The following NHEJ1 variants were observed in gnomAD, a reference collection of about 807,000 sequenced individuals.
The protein encoded by NHEJ1 is non-homologous end-joining factor 1.
In NHEJ1, 22 loss-of-function variants were observed where a neutral mutation model predicts 39.4. That is an observed-to-expected ratio of 0.56 (90% CI 0.40 to 0.80). NHEJ1 has a LOEUF of 0.80. Among genes scored for constraint, NHEJ1 ranks in the 30% least tolerant of loss-of-function variants. NHEJ1 has a pLI of 0.00. For missense variants in NHEJ1, 329 were observed against 357.1 expected, an observed-to-expected ratio of 0.92 and a Z score of 0.63; for synonymous variants, 154 against 135.6, an observed-to-expected ratio of 1.14 and a Z score of -0.94.
chr2:219,134,755 T>C (rs368446932), intron 5 of NHEJ1, among the ~76,000 whole-genome samples: 1 of 152,148 alleles, frequency 6.6e-6, no homozygotes, highest in East Asian at 1.9e-4. Flanking sequence ...AAATTCAACA[T>C]GTGGCCAGGC....
At chr2:219,156,016 G>A (rs1013264005) in intron 3 of NHEJ1, among the ~76,000 whole-genome samples, 1 of 151,904 alleles carries the variant, frequency 6.6e-6, no homozygotes, top group Admixed American at 6.6e-5. Flanking sequence ...TTGGGAGGCC[G>A]AGGTGGGTGG....
At chr2:219,088,088 GAC>G (rs1385859682) in intron 5 of NHEJ1, among the ~76,000 whole-genome samples, 3 of 152,134 alleles carry the variant, frequency 2.0e-5, no homozygotes, top group African/African-American at 7.2e-5. Context: ...TGTTGACAAA[GAC>G]ACAGTACAAC....
At chr2:219,142,227 AAGAGG>A (rs989415111) in intron 5 of NHEJ1, among the ~76,000 whole-genome samples, 1 of 119,154 alleles carries the variant, frequency 8.4e-6, no homozygotes, top group Non-Finnish European at 2.0e-5. Flanking sequence ...AAGAGAAGAG[AAGAGG>A]AGAGAAGAGT....
At chr2:219,104,464 G>T (rs1255564662) in intron 5 of NHEJ1, among the ~76,000 whole-genome samples, 2 of 152,080 alleles carry the variant, frequency 1.3e-5, no homozygotes, top group Non-Finnish European at 2.9e-5. Flanking sequence ...CTTACAAGAG[G>T]GTGCAAGATC....
chr2:219,159,588 C>CATATATATGCATAT (rs1949906412), intron 1 of NHEJ1, among the ~76,000 whole-genome samples: 3 of 69,538 alleles, frequency 4.3e-5, no homozygotes, highest in South Asian at 7.5e-4. Flanking sequence ...TATATATATG[C>CATATATATGCATAT]ATATATATAT....
chr2:219,121,986 C>T (rs1007783373), intron 5 of NHEJ1, among the ~76,000 whole-genome samples: 2 of 152,020 alleles, frequency 1.3e-5, no homozygotes, highest in Non-Finnish European at 2.9e-5. Context: ...AGAACTATAT[C>T]GCAACTGGGA....
chr2:219,113,498 A>G (rs936324207), intron 5 of NHEJ1, among the ~76,000 whole-genome samples: 14 of 152,184 alleles, frequency 9.2e-5, no homozygotes, highest in Admixed American at 2.0e-4. Flanking sequence ...CTTATCTTAA[A>G]ATGTAATCAT....
chr2:219,126,815 A>C (rs1949527980), intron 5 of NHEJ1, among the ~76,000 whole-genome samples: 1 of 152,258 alleles, frequency 6.6e-6, no homozygotes, highest in Non-Finnish European at 1.5e-5. Flanking sequence ...AAATCCAAAC[A>C]ATGAACAGGA....
At chr2:219,159,542 T>TGC (rs767766780) in intron 1 of NHEJ1, among the ~76,000 whole-genome samples, 3,459 of 34,154 alleles carry the variant, frequency 0.1, 338 homozygotes, top group Non-Finnish European at 0.17. Context: ...TATATGCATA[T>TGC]ATATATATGC....
At chr2:219,158,966 T>C (rs1236214252) in intron 1 of NHEJ1, 1 of 157,380 alleles carries the variant, frequency 6.4e-6, no homozygotes, top group Non-Finnish European at 1.4e-5. Flanking sequence ...TGTACACGCA[T>C]ATATGCATGG....
intron 5 of NHEJ1, among the ~76,000 whole-genome samples, chr2:219,112,895 C>T (rs1437469237): frequency 2.6e-5 from 4 of 152,274 alleles, no homozygotes; most frequent in Admixed American, 1.3e-4. Flanking sequence ...CACACATACA[C>T]GCACTGTGCC....
chr2:219,135,329 G>A (rs57767174), intron 5 of NHEJ1, among the ~76,000 whole-genome samples: 2,593 of 152,020 alleles, frequency 0.017, 77 homozygotes, highest in African/African-American at 0.059. Flanking sequence ...CATCAAGGCC[G>A]GGCACAGTGG....
At chr2:219,126,099 T>C (rs1389152952) in intron 5 of NHEJ1, among the ~76,000 whole-genome samples, 4 of 152,236 alleles carry the variant, frequency 2.6e-5, no homozygotes, top group Non-Finnish European at 4.4e-5. Flanking sequence ...TTCTGTGTAA[T>C]GATATTCCAC....
chr2:219,147,131 C>T (rs1474747484), intron 4 of NHEJ1, among the ~76,000 whole-genome samples: 1 of 152,190 alleles, frequency 6.6e-6, no homozygotes, highest in Non-Finnish European at 1.5e-5. Context: ...TGTCTGGACT[C>T]GGTTACAGCT....
At chr2:219,108,527 A>G (rs1279196638) in intron 5 of NHEJ1, among the ~76,000 whole-genome samples, 1 of 152,200 alleles carries the variant, frequency 6.6e-6, no homozygotes, top group Non-Finnish European at 1.5e-5. Flanking sequence ...TACTCTAGTC[A>G]TCCACAAAAA....
intron 5 of NHEJ1, among the ~76,000 whole-genome samples, chr2:219,140,407 G>C (rs1325686513): frequency 1.3e-5 from 2 of 152,338 alleles, no homozygotes; most frequent in African/African-American, 2.4e-5. Flanking sequence ...AGGCCAGGAG[G>C]GGGTAGGAGT....
intron 5 of NHEJ1, among the ~76,000 whole-genome samples, chr2:219,115,789 C>T (rs1054732161): frequency 3.3e-5 from 5 of 152,194 alleles, no homozygotes; most frequent in African/African-American, 9.7e-5. Context: ...GCAATTATGA[C>T]ATACAGAGAC....
At chr2:219,157,440 C>T (rs569484598) in intron 3 of NHEJ1, 32 bp downstream of exon 3, 2 of 1,588,706 alleles carry the variant, frequency 1.3e-6, no homozygotes. Context: ...ACTGGCATCC[C>T]TCCCCCAACC....
intron 5 of NHEJ1, among the ~76,000 whole-genome samples, chr2:219,101,270 A>AG (rs1949257850): frequency 1.3e-5 from 2 of 151,986 alleles, no homozygotes; most frequent in African/African-American, 2.4e-5. Flanking sequence ...GCGTACCACC[A>AG]CATCTAGCTA....
Sources: allele counts gnomAD v4.1 joint callset (sites outside exome capture counted in the v4.1 genomes callset), GRCh38; gene constraint gnomAD v4.1.1; transcripts MANE v1.5; gene names NCBI Gene and HGNC (gene_info 2026-07-23, HGNC 2026-07-21).